The following DGKB variants were observed in gnomAD, a reference collection of about 807,000 sequenced individuals.
The protein encoded by DGKB is diacylglycerol kinase beta.
DGKB carries 67 observed loss-of-function variants against 114.3 expected under a neutral mutation model. That is an observed-to-expected ratio of 0.59 (90% CI 0.48 to 0.72). The LOEUF is 0.72. DGKB is among the 30% of genes least tolerant of loss of function. The pLI is 0.00. For synonymous variants in DGKB, 398 were observed against 323.1 expected (o/e 1.23, Z -2.49); for missense variants, 907 against 975.2 (o/e 0.93, Z 0.93).
chr7:14,773,059 T>C (rs1423514586), intron 2 of DGKB, among the ~76,000 whole-genome samples: 1 of 152,216 alleles, frequency 6.6e-6, no homozygotes, highest in East Asian at 1.9e-4. Flanking sequence ...GTTTTTAACA[T>C]ATTATTTATT....
intron 23 of DGKB, among the ~76,000 whole-genome samples, chr7:14,215,079 C>A (rs887871914): frequency 1.3e-5 from 2 of 152,128 alleles, no homozygotes; most frequent in African/African-American, 4.8e-5. Context: ...GGCAAATGAA[C>A]AGACAAAAGC....
intron 1 of DGKB, among the ~76,000 whole-genome samples, chr7:14,956,758 T>A (rs36898): frequency 6.6e-6 from 1 of 151,924 alleles, no homozygotes. Flanking sequence ...ATGAGTGCAA[T>A]GGAGCAGATG....
chr7:14,948,741 A>G (rs903325049), intron 1 of DGKB, among the ~76,000 whole-genome samples: 2 of 151,874 alleles, frequency 1.3e-5, no homozygotes, highest in Non-Finnish European at 2.9e-5. Context: ...GAGCTATAAT[A>G]AAAATTACTA....
intron 23 of DGKB, chr7:14,268,952 G>A (rs1797901935): frequency 6.6e-6 from 1 of 152,170 alleles, no homozygotes; most frequent in African/African-American, 2.4e-5. Context: ...CAGTTTCTGT[G>A]GGTCAAGGAT....
chr7:14,652,215 A>T (rs1374015393), intron 13 of DGKB, among the ~76,000 whole-genome samples: 1 of 151,604 alleles, frequency 6.6e-6, no homozygotes, highest in African/African-American at 2.4e-5. Context: ...CAAAAGAACA[A>T]AGCTGGAGGC....
At chr7:14,278,524 A>G (rs1316522343) in intron 23 of DGKB, among the ~76,000 whole-genome samples, 2 of 152,210 alleles carry the variant, frequency 1.3e-5, no homozygotes, top group African/African-American at 4.8e-5. Flanking sequence ...CACAAGACCT[A>G]AAACTATACG....
intron 1 of DGKB, among the ~76,000 whole-genome samples, chr7:14,900,173 T>G (rs1003539754): frequency 1.3e-5 from 2 of 152,182 alleles, no homozygotes; most frequent in Admixed American, 1.3e-4. Flanking sequence ...TAGTTGAACC[T>G]ACTTCATAGT....
intron 23 of DGKB, among the ~76,000 whole-genome samples, chr7:14,265,282 T>A (rs1338773289): frequency 2.0e-5 from 3 of 150,192 alleles, no homozygotes; most frequent in Non-Finnish European, 4.4e-5. Context: ...TAGCATACAC[T>A]TTCTCAATTT....
intron 20 of DGKB, among the ~76,000 whole-genome samples, chr7:14,505,467 A>G (rs1786890342): frequency 6.6e-6 from 1 of 151,776 alleles, no homozygotes; most frequent in Non-Finnish European, 1.5e-5. Context: ...AAAAAAAAAA[A>G]GAAAAAGAAA....
At chr7:14,269,536 T>A (rs1333196035) in intron 23 of DGKB, among the ~76,000 whole-genome samples, 1 of 152,294 alleles carries the variant, frequency 6.6e-6, no homozygotes, top group East Asian at 1.9e-4. Flanking sequence ...TATTCTTACA[T>A]TTATCTGAAT....
chr7:14,728,642 G>A (rs1830372941), intron 5 of DGKB, among the ~76,000 whole-genome samples: 1 of 151,584 alleles, frequency 6.6e-6, no homozygotes, highest in Admixed American at 6.6e-5. Flanking sequence ...TAGTTTAAGT[G>A]AATCATGAGG....
chr7:14,471,747 T>C (rs900117289), intron 21 of DGKB, among the ~76,000 whole-genome samples: 1 of 151,964 alleles, frequency 6.6e-6, no homozygotes, highest in Admixed American at 6.6e-5. Context: ...TTTTGCACTA[T>C]AAAAGCATAA....
chr7:14,963,967 C>A (rs1441697814), intron 1 of DGKB, among the ~76,000 whole-genome samples: 1 of 151,922 alleles, frequency 6.6e-6, no homozygotes, highest in Non-Finnish European at 1.5e-5. Context: ...TATATATACA[C>A]AGATGTATGA....
chr7:14,151,851 C>T (rs1001417730), intron 25 of DGKB, among the ~76,000 whole-genome samples: 1 of 152,080 alleles, frequency 6.6e-6, no homozygotes, highest in Non-Finnish European at 1.5e-5. Flanking sequence ...TGTCTCTTCA[C>T]ATGCCTTATT....
At chr7:14,322,669 G>A (rs1808037232) in intron 23 of DGKB, among the ~76,000 whole-genome samples, 1 of 152,040 alleles carries the variant, frequency 6.6e-6, no homozygotes, top group African/African-American at 2.4e-5. Flanking sequence ...TATAGGCAAG[G>A]CACACAGTGA....
intron 2 of DGKB, among the ~76,000 whole-genome samples, chr7:14,822,708 A>T (rs577853276): frequency 6.6e-6 from 1 of 152,258 alleles, no homozygotes; most frequent in African/African-American, 2.4e-5. Flanking sequence ...GGGTCTACAG[A>T]ATAGAGGAAA....
chr7:14,148,458 T>C lies in DGKB; in HGVS notation c.*673A>G, dbSNP rs1013758668. On this transcript the variant is annotated 3_prime_UTR_variant, in exon 26 of 26. Transcript: ENST00000402815. Reference sequence around the variant, plus strand: ...TACCACACTTGACTGTCAAGTAACATGTTTTCACTTATTTCTGGAATTAAA... The same window carrying C: ...TACCACACTTGACTGTCAAGTAACACGTTTTCACTTATTTCTGGAATTAAA... The C allele has an allele frequency of 1.3e-5, 2 of 152,666 alleles. No homozygotes were observed. The highest frequency in any genetic ancestry group is 1.5e-5 in the Non-Finnish European group (1 of 68,074). The allele number at this position is 152,666 out of a possible 1,614,324, so 9.5% of individuals were successfully genotyped here.
At chr7:14,903,771 A>T (rs967584875), upstream of DGKB, among the ~76,000 whole-genome samples, 2 of 152,190 alleles carry the variant, frequency 1.3e-5, no homozygotes, top group Non-Finnish European at 2.9e-5. Flanking sequence ...AAAATAGTGT[A>T]TTAGGGTAAG....
intron 25 of DGKB, among the ~76,000 whole-genome samples, chr7:14,164,827 A>C: frequency 6.6e-6 from 1 of 152,290 alleles, no homozygotes; most frequent in Middle Eastern, 3.4e-3. Flanking sequence ...CAGATGTATT[A>C]TTAAATATAA....
Sources: gnomAD v4.1 joint callset for allele counts (sites outside exome capture counted in the v4.1 genomes callset) on GRCh38, gnomAD v4.1.1 for gene constraint, MANE v1.5 for transcripts, NCBI Gene and HGNC (gene_info 2026-07-23, HGNC 2026-07-21) for gene names.